Variants in RIMBP2 observed in about 807,000 individuals in gnomAD.
The protein encoded by RIMBP2 is RIMS-binding protein 2.
Under a neutral mutation model 118.6 loss-of-function variants are expected in RIMBP2, and 48 were observed. That is an observed-to-expected ratio of 0.40 (90% CI 0.32 to 0.51). The LOEUF (loss-of-function observed/expected upper bound fraction) is 0.51, where lower values mean the gene tolerates loss of function less well. Ranked by LOEUF, RIMBP2 falls within the 20% of genes least tolerant of loss-of-function variation. RIMBP2 has a pLI of 0.41. For missense variants in RIMBP2, 1,551 were observed against 1,768.3 expected (o/e 0.88, Z 2.20); for synonymous variants, 762 against 742.9 (o/e 1.03, Z -0.42).
At chr12:130,572,522 CCT>C (rs2057756712) in intron 2 of RIMBP2, among the ~76,000 whole-genome samples, 1 of 152,080 alleles carries the variant, frequency 6.6e-6, no homozygotes, top group Non-Finnish European at 1.5e-5. Flanking sequence ...ATCCCTTTCC[CCT>C]GTGTGCAGGT....
chr12:130,423,980 G>GA (rs1333593426), intron 16 of RIMBP2, among the ~76,000 whole-genome samples, 162 bp downstream of exon 16: 1 of 152,114 alleles, frequency 6.6e-6, no homozygotes, highest in Non-Finnish European at 1.5e-5. Context: ...TCAAAAGGTT[G>GA]GGAAGCAAAT....
intron 1 of RIMBP2, among the ~76,000 whole-genome samples, chr12:130,639,950 A>C (rs1468534033): frequency 6.6e-6 from 1 of 152,204 alleles, no homozygotes; most frequent in Non-Finnish European, 1.5e-5. Flanking sequence ...AATTCCTGAC[A>C]TATGAGGGAG....
intron 17 of RIMBP2, among the ~76,000 whole-genome samples, chr12:130,415,604 A>G (rs1202248609): frequency 6.6e-6 from 1 of 152,054 alleles, no homozygotes; most frequent in Non-Finnish European, 1.5e-5. Context: ...TAAGAAGTCA[A>G]ATTATCTCTC....
chr12:130,464,767 A>G (rs1423537959), intron 6 of RIMBP2, among the ~76,000 whole-genome samples: 1 of 152,152 alleles, frequency 6.6e-6, no homozygotes, highest in Non-Finnish European at 1.5e-5. Flanking sequence ...TCCAGGGCCC[A>G]CCTAAGCCCA....
rs997590859 is a variant in RIMBP2 at position 130,525,702 on chromosome 12, G to T, written c.-216-7785C>A. On this transcript the variant is annotated intron_variant, in intron 2 of 22. Coordinates refer to ENST00000690449, the MANE Select transcript of RIMBP2 (RefSeq NM_001393629.1). The surrounding 1 kb of genome is among the most constrained non-coding windows in gnomAD (Gnocchi z 4.4). Reference sequence around the variant, plus strand: ...ACTTGGGGATGAGATCGTATGGGGGGAGATGACCCAAGGGGCTCATGTTGG... The same window carrying T: ...ACTTGGGGATGAGATCGTATGGGGGTAGATGACCCAAGGGGCTCATGTTGG... Among the ~76,000 whole-genome samples, 1 of 152,162 alleles carries T rather than the reference G, an allele frequency of 6.6e-6. No individual in the cohort carries two copies. The highest frequency in any genetic ancestry group is 1.9e-4 in the East Asian group (1 of 5,182).
intron 2 of RIMBP2, among the ~76,000 whole-genome samples, chr12:130,543,391 A>C (rs927690630): frequency 2.0e-5 from 3 of 152,218 alleles, no homozygotes; most frequent in Non-Finnish European, 4.4e-5. Context: ...AAAAAGTTTA[A>C]ATTACTTGTT....
rs538236680 is a variant in RIMBP2 at position 130,397,298 on chromosome 12, A to T, written c.*63T>A. ...TTTTTTAGGAAGTACTTGAGTCATG[A>T]AAGCCCTAGTTTGGAATTAAAGAAA... is the stretch of plus-strand genomic sequence containing the variant. On this transcript the variant is annotated 3_prime_UTR_variant, in exon 23 of 23. Transcript: ENST00000690449. 2.2e-4 allele frequency: 86 copies of T among 398,294 alleles called. No individual in the cohort carries two copies. In the East Asian group the frequency reaches 3.0e-3, roughly 14 times the overall value. The allele number at this position is 398,294 out of a possible 1,614,324, so 24.7% of individuals were successfully genotyped here.
At chr12:130,538,086 G>T (rs1285213801) in intron 2 of RIMBP2, among the ~76,000 whole-genome samples, 1 of 152,158 alleles carries the variant, frequency 6.6e-6, no homozygotes, top group Non-Finnish European at 1.5e-5. Flanking sequence ...GCCTCATGCA[G>T]TCCTCAGTGT....
chr12:130,588,674 G>T (rs143946473), intron 2 of RIMBP2, among the ~76,000 whole-genome samples: 176 of 152,314 alleles, frequency 1.2e-3, no homozygotes, highest in African/African-American at 3.2e-3. Context: ...TGGTTCAATG[G>T]TTCGGAAAGC....
chr12:130,655,988 G>A (rs1029029791), intron 1 of RIMBP2, among the ~76,000 whole-genome samples: 1 of 152,214 alleles, frequency 6.6e-6, no homozygotes, highest in African/African-American at 2.4e-5. Flanking sequence ...GCCCTTCTGG[G>A]GAATGGAGGA....
intron 1 of RIMBP2, among the ~76,000 whole-genome samples, chr12:130,644,967 C>A (rs1041836105): frequency 6.6e-6 from 1 of 152,246 alleles, no homozygotes; most frequent in African/African-American, 2.4e-5. Flanking sequence ...GGAGCCAGCG[C>A]CTAGTCTCTC....
At chr12:130,668,142 G>A (rs1284554831) in intron 1 of RIMBP2, 1 of 152,198 alleles carries the variant, frequency 6.6e-6, no homozygotes, top group Non-Finnish European at 1.5e-5. Flanking sequence ...GGGGCCTCAG[G>A]TGGACCATGC....
chr12:130,419,604 A>T lies in RIMBP2; in HGVS notation c.3238+2849T>A, dbSNP rs2136637187. 1 of 152,344 alleles carries T rather than the reference A, an allele frequency of 6.6e-6. No homozygotes were observed. Among genetic ancestry groups the T allele is most frequent in the African/African-American group, 2.4e-5 (1 of 41,586 alleles). The allele number at this position is 152,344 out of a possible 1,614,324, so 9.4% of individuals were successfully genotyped here. A position where few individuals can be genotyped will look rare whatever the true frequency, so the allele number is the denominator to read the frequency against. On this transcript the variant is annotated intron_variant, in intron 17 of 22. Coordinates refer to ENST00000690449, the MANE Select transcript of RIMBP2 (RefSeq NM_001393629.1). The surrounding 1 kb of genome is among the most constrained non-coding windows in gnomAD (Gnocchi z 4.3). The stretch of plus-strand genomic sequence containing the variant: ...TTTTAAGGGGCAAAGCTTTGTCAAT[A>T]GAGTTACTAATGTTTTTATTTTTCC...
At chr12:130,705,142 C>A (rs1216307002) in intron 1 of RIMBP2, among the ~76,000 whole-genome samples, 1 of 152,190 alleles carries the variant, frequency 6.6e-6, no homozygotes. Flanking sequence ...TCTGGTTCCG[C>A]CTTCAGAGTC....
rs899182721 is a variant in RIMBP2 at position 130,447,528 on chromosome 12, G to A, written c.582-2259C>T. 4.0e-5 allele frequency among the ~76,000 whole-genome samples: 6 copies of A among 151,462 alleles called. No individual in the cohort carries two copies. Among genetic ancestry groups the A allele is most frequent in the South Asian group, 2.1e-4 (1 of 4,776 alleles). On this transcript the variant is annotated intron_variant, in intron 9 of 22. Coordinates refer to ENST00000690449, the MANE Select transcript of RIMBP2 (RefSeq NM_001393629.1). The surrounding 1 kb of genome is among the most constrained non-coding windows in gnomAD (Gnocchi z 4.4). ...TCACTGATGGGAATGGGTTCTTGAG[G>A]GGCGATGGGAGACGAGGGACAGGTG...
At chr12:130,532,785 T>G (rs1413663351) in intron 2 of RIMBP2, among the ~76,000 whole-genome samples, 17 of 133,292 alleles carry the variant, frequency 1.3e-4, no homozygotes, top group East Asian at 2.4e-4. Context: ...CCTCTAGGAG[T>G]TACGTCTAAT....
In RIMBP2 at chr12:130,699,571, A is replaced by C. The variant is rs1268002483; in HGVS notation, c.-352+16651T>G. 1.7e-4 allele frequency among the ~76,000 whole-genome samples: 17 copies of C among 97,318 alleles called. No individual in the cohort carries two copies. The South Asian group carries it at 2.1e-3, about 12-fold the overall frequency. 63.8% of individuals were successfully genotyped at this position (97,318 alleles called of 152,430 possible). ...GGAAGGGGAACATCACACACCGGGG[A>C]CTGTTGTGGGGTGGGGGGAGGGGGG... On this transcript the variant is annotated intron_variant, in intron 1 of 22. Coordinates refer to ENST00000690449, the MANE Select transcript of RIMBP2 (RefSeq NM_001393629.1).
At chr12:130,403,106 T>C (rs1369395479) in intron 21 of RIMBP2, among the ~76,000 whole-genome samples, 1 of 152,148 alleles carries the variant, frequency 6.6e-6, no homozygotes, top group Non-Finnish European at 1.5e-5. Context: ...TTAGGACCGG[T>C]GGAGTATTTG....
chr12:130,647,260 C>T (rs568248273), intron 1 of RIMBP2, among the ~76,000 whole-genome samples: 6 of 152,074 alleles, frequency 3.9e-5, no homozygotes, highest in Non-Finnish European at 5.9e-5. Flanking sequence ...CTACTCGGGA[C>T]GCTGAGGCAG....
Sources: allele counts gnomAD v4.1 joint callset (sites outside exome capture counted in the v4.1 genomes callset), GRCh38; gene constraint gnomAD v4.1.1; non-coding constraint Gnocchi (gnomAD v3.1); transcripts MANE v1.5; gene names NCBI Gene and HGNC (gene_info 2026-07-23, HGNC 2026-07-21).